The following TARS3 variants were observed in gnomAD, a reference collection of about 807,000 sequenced individuals.
The protein encoded by TARS3 is threonyl-tRNA synthetase 3.
Under a neutral mutation model 103.5 loss-of-function variants are expected in TARS3, and 94 were observed. The observed-to-expected ratio is 0.91, with a 90% CI of 0.77 to 1.08. The LOEUF is 1.08. Among genes scored for constraint, TARS3 ranks in the 50% least tolerant of loss-of-function variants. The pLI, the probability that TARS3 is intolerant of heterozygous loss-of-function variation, is 0.00. For missense variants in TARS3, 952 were observed against 995.2 expected, an observed-to-expected ratio of 0.96 and a Z score of 0.58; for synonymous variants, 416 against 355.4, an observed-to-expected ratio of 1.17 and a Z score of -1.92.
At chr15:101,691,155 G>C (rs1265623543) in intron 10 of TARS3, among the ~76,000 whole-genome samples, 2 of 151,848 alleles carry the variant, frequency 1.3e-5, no homozygotes, top group African/African-American at 4.8e-5. Flanking sequence ...TAGCCAGGAT[G>C]GTCTTGATCT....
At chr15:101,660,289 A>T (rs1366648544) in intron 16 of TARS3, among the ~76,000 whole-genome samples, 1 of 152,228 alleles carries the variant, frequency 6.6e-6, no homozygotes, top group Non-Finnish European at 1.5e-5. Context: ...GAAATTTCAC[A>T]GGTGGTTGCT....
intron 12 of TARS3, among the ~76,000 whole-genome samples, chr15:101,682,074 A>G (rs894207276): frequency 6.6e-6 from 1 of 152,222 alleles, no homozygotes; most frequent in Non-Finnish European, 1.5e-5. Context: ...ATAGATGATC[A>G]TGTCATTTAC....
chr15:101,680,409 G>A (rs367997532), intron 12 of TARS3, among the ~76,000 whole-genome samples: 32 of 152,306 alleles, frequency 2.1e-4, no homozygotes, highest in African/African-American at 7.7e-4. Context: ...TGGTTGCCAA[G>A]TCTGGAATAT....
At chr15:101,703,781 T>C (rs894550840) in intron 8 of TARS3, 78 bp downstream of exon 8, 5 of 843,566 alleles carry the variant, frequency 5.9e-6, no homozygotes, top group Middle Eastern at 2.9e-4. Flanking sequence ...AAAGATATGA[T>C]TGAATAAGAT....
chr15:101,723,232 C>A (rs1900581263), intron 1 of TARS3, 68 bp from the exon 2 acceptor site: 1 of 1,455,490 alleles, frequency 6.9e-7, no homozygotes, highest in South Asian at 1.1e-5. Context: ...AGAAGAGAGT[C>A]ATGCCAGCAG....
In TARS3 at chr15:101,708,429, G is replaced by C. The variant is rs191169060; in HGVS notation, c.930+364C>G. On this transcript the variant is annotated intron_variant, in intron 6 of 18. Coordinates refer to ENST00000335968, the MANE Select transcript of TARS3 (RefSeq NM_152334.3). Reference sequence around the variant, plus strand: ...CACAGGTTACTCTAGGTTAAAATCTGAAACAAAAGTTAACAGAAAACTCCC... The same window carrying C: ...CACAGGTTACTCTAGGTTAAAATCTCAAACAAAAGTTAACAGAAAACTCCC... Among the ~76,000 whole-genome samples the C allele has an allele frequency of 2.6e-3, 400 of 152,098 alleles. 4 individuals are homozygous for C. Among genetic ancestry groups the C allele is most frequent in the African/African-American group, 9.2e-3 (383 of 41,488 alleles).
intron 4 of TARS3, among the ~76,000 whole-genome samples, chr15:101,714,106 T>A (rs1444707399): frequency 6.6e-6 from 1 of 152,200 alleles, no homozygotes; most frequent in Non-Finnish European, 1.5e-5. Flanking sequence ...ATATATCACA[T>A]GCATATGTGA....
intron 11 of TARS3, among the ~76,000 whole-genome samples, chr15:101,684,631 T>C (rs1225113501): frequency 6.6e-6 from 1 of 152,206 alleles, no homozygotes; most frequent in African/African-American, 2.4e-5. Flanking sequence ...GGCACTGGTC[T>C]TTTTATAACA....
rs370692641 is a variant in TARS3 at position 101,722,836 on chromosome 15, C to G, written c.369+257G>C. ...TCCGCCTTCAAAAAACAAAAAAAAA[C>G]CAACCAAACAAAAAAAACCAACTCT... On this transcript the variant is annotated intron_variant, in intron 2 of 18. Transcript: ENST00000335968. Among the ~76,000 whole-genome samples, 87 of 151,064 alleles carry G rather than the reference C, an allele frequency of 5.8e-4. 1 individual carries two copies. The East Asian group carries it at 0.012, about 21-fold the overall frequency.
At chr15:101,655,654 C>CG (rs1897173988) in intron 18 of TARS3, among the ~76,000 whole-genome samples, 1 of 140,192 alleles carries the variant, frequency 7.1e-6, no homozygotes, top group Non-Finnish European at 1.5e-5. Context: ...CAAATGAGAG[C>CG]GGGGAGCTCT....
rs1204014007 is a variant in TARS3 at position 101,702,394 on chromosome 15, C to G, written c.1075-9G>C. 1 of 1,611,294 alleles carries G rather than the reference C, an allele frequency of 6.2e-7. No individual in the cohort carries two copies. The highest frequency in any genetic ancestry group is 8.5e-7 in the Non-Finnish European group (1 of 1,177,748). On this transcript the variant is annotated splice_polypyrimidine_tract_variant and intron_variant, in intron 8 of 18. Transcript: ENST00000335968. Reference sequence around the variant, plus strand: ...CAATATGTTGAGGAATTCTAAATATCAAAGAGGATTTTGGTAAATATATCA... The same window carrying G: ...CAATATGTTGAGGAATTCTAAATATGAAAGAGGATTTTGGTAAATATATCA...
At chr15:101,668,884 A>T (rs992998983) in intron 15 of TARS3, among the ~76,000 whole-genome samples, 1 of 152,216 alleles carries the variant, frequency 6.6e-6, no homozygotes, top group Non-Finnish European at 1.5e-5. Flanking sequence ...ACAATTATGT[A>T]CTGTACATCA....
intron 15 of TARS3, among the ~76,000 whole-genome samples, chr15:101,662,599 T>C (rs1487101359): frequency 6.6e-6 from 1 of 152,196 alleles, no homozygotes; most frequent in Non-Finnish European, 1.5e-5. Context: ...CATTATAGAA[T>C]AACTGCAGGC....
intron 16 of TARS3, among the ~76,000 whole-genome samples, chr15:101,658,683 G>C (rs890510576): frequency 6.6e-6 from 1 of 152,184 alleles, no homozygotes; most frequent in Admixed American, 6.5e-5. Flanking sequence ...ATCGGAACAA[G>C]GTTGGTGGAC....
rs941669507 is a variant in TARS3, at chr15:101,657,871, A to G, written c.2073-14T>C. 2.6e-6 allele frequency: 4 copies of G among 1,518,498 alleles called. No homozygotes were observed. The highest frequency in any genetic ancestry group is 2.8e-5 in the African/African-American group (2 of 71,616). 94.1% of individuals were successfully genotyped at this position (1,518,498 alleles called of 1,614,324 possible). The stretch of plus-strand genomic sequence containing the variant: ...AGCCAGAAAGGCCTGAAAAATATAT[A>G]TAAAATATGTATTTTCAAAGTGTAA... On this transcript the variant is annotated splice_polypyrimidine_tract_variant and intron_variant, in intron 16 of 18. Transcript: ENST00000335968.
intron 18 of TARS3, among the ~76,000 whole-genome samples, chr15:101,656,187 G>C (rs1176421866): frequency 1.1e-4 from 16 of 152,244 alleles, no homozygotes; most frequent in Non-Finnish European, 2.9e-5. Flanking sequence ...GATACTCCAA[G>C]ACCCTTCCAA....
chr15:101,711,887 C>T lies in TARS3; in HGVS notation c.805G>A (p.Glu269Lys). 1 of 1,613,762 alleles carries T rather than the reference C, an allele frequency of 6.2e-7. No homozygotes were observed. Among genetic ancestry groups the T allele is most frequent in the Admixed American group, 1.7e-5 (1 of 59,982 alleles). The change falls in exon 5 of 19, where the codon GAA (glutamate) becomes AAA (lysine). Residue 269 changes from glutamate (E) to lysine (K), a missense_variant. Around this residue, in one of 2 missense-constraint regions of TARS3, gnomAD observed 412 missense variants for 364.2 expected, o/e 1.13. Coordinates refer to ENST00000335968, the MANE Select transcript of TARS3 (RefSeq NM_152334.3). ...CAGTATTCAGTGTGTTACCTGTCTTCAATGAACATGTCATAATAAAATCCA... is the reference window on the plus strand; with the variant it reads ...CAGTATTCAGTGTGTTACCTGTCTTTAATGAACATGTCATAATAAAATCCA... ...ENGFYYDMFI[E>K]DRAVSSTELS... is the part of the protein sequence containing the mutation.
At chr15:101,670,589 A>G (rs1344705211) in intron 15 of TARS3, among the ~76,000 whole-genome samples, 1 of 152,258 alleles carries the variant, frequency 6.6e-6, no homozygotes, top group Non-Finnish European at 1.5e-5. Context: ...AAAATGGTGC[A>G]GCTGCTCTGG....
At chr15:101,716,854 A>AT (rs1404666693) in intron 3 of TARS3, among the ~76,000 whole-genome samples, 6 of 81,740 alleles carry the variant, frequency 7.3e-5, no homozygotes, top group African/African-American at 2.3e-4. Flanking sequence ...TCTACAATGT[A>AT]ATTTTTTTTT....
Sources: gnomAD v4.1 joint callset for allele counts (sites outside exome capture counted in the v4.1 genomes callset) on GRCh38, gnomAD v4.1.1 for gene constraint, gnomAD v4.1.1 regional missense constraint, MANE v1.5 for transcripts, NCBI Gene and HGNC (gene_info 2026-07-23, HGNC 2026-07-21) for gene names.